DUSP18: variants seen among roughly 807,000 people sequenced by gnomAD.
DUSP18 encodes the protein dual specificity phosphatase 18, also known as dual specificity protein phosphatase 18.
In DUSP18, 4 loss-of-function variants were observed where a neutral mutation model predicts 6.3. The ratio of observed to expected loss-of-function variants is 0.63; its 90% CI spans 0.31 to 1.45. The LOEUF is 1.45. Ranked by LOEUF, DUSP18 falls within the 40% of genes most tolerant of loss-of-function variation. DUSP18 has a pLI of 0.07. For missense variants in DUSP18, 235 were observed against 247.7 expected (o/e 0.95, Z 0.34); for synonymous variants, 96 against 95.1 (o/e 1.01, Z -0.05).
chr22:30,660,245 G>C (rs1385905176), downstream of DUSP18, among the ~76,000 whole-genome samples: 2 of 152,160 alleles, frequency 1.3e-5, no homozygotes, highest in Non-Finnish European at 2.9e-5. Flanking sequence ...CTAAGTTTGT[G>C]GTAATTTGTT....
intron 1 of DUSP18, among the ~76,000 whole-genome samples, chr22:30,666,467 C>T (rs1210753206): frequency 6.6e-6 from 1 of 151,826 alleles, no homozygotes; most frequent in Non-Finnish European, 1.5e-5. Context: ...ACTAAAAATA[C>T]AAAAATTAGC....
chr22:30,655,187 G>A (rs2088310172), intron 2 of DUSP18, among the ~76,000 whole-genome samples: 1 of 151,954 alleles, frequency 6.6e-6, no homozygotes, highest in Non-Finnish European at 1.5e-5. Context: ...CAGGTATGGT[G>A]GCTCACACCT....
downstream of DUSP18, among the ~76,000 whole-genome samples, chr22:30,660,112 G>GT (rs1452312894): frequency 6.6e-6 from 1 of 152,182 alleles, no homozygotes; most frequent in Non-Finnish European, 1.5e-5. Context: ...AACACATTTG[G>GT]TTTTGGCCGT....
At chr22:30,661,414 C>T (rs1014276323), downstream of DUSP18, 1 of 151,384 alleles carries the variant, frequency 6.6e-6, no homozygotes, top group African/African-American at 2.4e-5. Flanking sequence ...TATTTCTGGT[C>T]CCAAGCATTT....
rs143675020 is a variant in DUSP18, at chr22:30,663,933, G to T, written c.71C>A (p.Thr24Asn). Residue 24 changes from threonine to asparagine, a missense_variant, in exon 2 of 2, where the codon ACC becomes AAC. Coordinates refer to ENST00000334679, the MANE Select transcript of DUSP18 (RefSeq NM_152511.5). The part of the protein sequence containing the change: ...QPSVSGLSQI[T>N]KSLYISNGVA... The stretch of plus-strand genomic sequence containing the variant: ...ACCATTGCTGATATACAGGCTTTTG[G>T]TTATCTGCGAGAGGCCGCTGACTGA... The T allele has an allele frequency of 6.2e-7, 1 of 1,614,204 alleles. No individual in the cohort carries two copies. Among genetic ancestry groups the T allele is most frequent in the Non-Finnish European group, 8.5e-7 (1 of 1,180,024 alleles).
intron 1 of DUSP18, among the ~76,000 whole-genome samples, chr22:30,664,582 T>C (rs1162832075): frequency 6.6e-6 from 1 of 152,240 alleles, no homozygotes; most frequent in African/African-American, 2.4e-5. Flanking sequence ...CATAAGGTCC[T>C]GAGCCAGTGG....
chr22:30,657,132 A>G (rs887565006), downstream of DUSP18, among the ~76,000 whole-genome samples: 1 of 152,098 alleles, frequency 6.6e-6, no homozygotes, highest in Non-Finnish European at 1.5e-5. Context: ...TCTACGAATA[A>G]GCATGTAAGA....
downstream of DUSP18, among the ~76,000 whole-genome samples, chr22:30,658,189 C>T (rs535758338): frequency 6.6e-6 from 1 of 151,686 alleles, no homozygotes; most frequent in African/African-American, 2.4e-5. Flanking sequence ...GTCTGTCTCT[C>T]CCACTGGCTG....
chr22:30,664,662 T>C (rs1338193605), intron 1 of DUSP18, among the ~76,000 whole-genome samples: 1 of 152,192 alleles, frequency 6.6e-6, no homozygotes, highest in East Asian at 1.9e-4. Flanking sequence ...GGGTTCCCAT[T>C]TTCCCCCTCT....
downstream of DUSP18, among the ~76,000 whole-genome samples, chr22:30,657,152 G>T (rs752176147): frequency 1.3e-5 from 2 of 151,738 alleles, no homozygotes; most frequent in African/African-American, 2.4e-5. Context: ...ATAAATTTCT[G>T]GGCTGGGTGC....
In DUSP18 at chr22:30,662,030, A is replaced by ATTTTTTT. The variant is rs33914926; in HGVS notation, c.*1400_*1406dup. ...GGTAGGGTCTGAAAGGACTTAAACC[A>ATTTTTTT]TTTTTTTTTTTTTTTTTTTTTACAC... On this transcript the variant is annotated 3_prime_UTR_variant, in exon 2 of 2. Transcript: ENST00000334679. 1 of 132,196 alleles carries ATTTTTTT rather than the reference A, an allele frequency of 7.6e-6. No individual in the cohort carries two copies. The highest frequency in any genetic ancestry group is 2.4e-4 in the South Asian group (1 of 4,156). 8.2% of individuals were successfully genotyped at this position (132,196 alleles called of 1,614,324 possible).
chr22:30,657,720 C>T (rs991711280), downstream of DUSP18, among the ~76,000 whole-genome samples: 4 of 151,084 alleles, frequency 2.6e-5, no homozygotes, highest in Admixed American at 6.6e-5. Context: ...CTGGCTAACA[C>T]GGTGAAACCC....
At chr22:30,654,313 T>TGGG (rs761411115) in intron 2 of DUSP18, 195 of 461,088 alleles carry the variant, frequency 4.2e-4, no homozygotes, top group Non-Finnish European at 7.0e-4. Flanking sequence ...ATTCTGGTAG[T>TGGG]GGATCTTGGC....
Position 30,661,872 on chromosome 22 carries a change from C to T in DUSP18, c.*1565G>A, listed in dbSNP as rs2088479756. The T allele has an allele frequency of 6.6e-6, 1 of 152,228 alleles. No homozygotes were observed. Among genetic ancestry groups the T allele is most frequent in the African/African-American group, 2.4e-5 (1 of 41,516 alleles). 9.4% of individuals were successfully genotyped at this position (152,228 alleles called of 1,614,324 possible). ...TGCAGGTTTTCATAGTGATTCTAAA[C>T]AAGGCTGCAGTCACTGTTTAGAAGT... On this transcript the variant is annotated 3_prime_UTR_variant, in exon 2 of 2. Coordinates refer to ENST00000334679, the MANE Select transcript of DUSP18 (RefSeq NM_152511.5).
In DUSP18 at chr22:30,663,927, C is replaced by T. The variant is rs1410290232; in HGVS notation, c.77G>A (p.Ser26Asn). Residue 26 changes from serine to asparagine, a missense_variant, in exon 2 of 2, where the codon AGC becomes AAC. Coordinates refer to ENST00000334679, the MANE Select transcript of DUSP18 (RefSeq NM_152511.5). ...GGCCACACCATTGCTGATATACAGG[C>T]TTTTGGTTATCTGCGAGAGGCCGCT... The part of the protein sequence containing the change: ...SVSGLSQITK[S>N]LYISNGVAAN... 1 of 1,614,170 alleles carries T rather than the reference C, an allele frequency of 6.2e-7. No individual in the cohort carries two copies.
At chr22:30,666,697 A>G (rs1000354461) in intron 1 of DUSP18, 1 of 150,946 alleles carries the variant, frequency 6.6e-6, no homozygotes, top group Admixed American at 6.6e-5. Flanking sequence ...GAAATGTACA[A>G]GACAGGCATG....
chr22:30,658,386 A>T (rs796829544), downstream of DUSP18, among the ~76,000 whole-genome samples: 3,142 of 147,612 alleles, frequency 0.021, 101 homozygotes, highest in African/African-American at 0.074. Context: ...AAAAAAAAAA[A>T]TTTTTTTTTT....
At chr22:30,658,146 G>A (rs887858577), downstream of DUSP18, among the ~76,000 whole-genome samples, 17 of 151,256 alleles carry the variant, frequency 1.1e-4, no homozygotes, top group Non-Finnish European at 1.3e-4. Flanking sequence ...TGAATCTCTC[G>A]GGGTTCTAGT....
At chr22:30,661,444 C>CTTTTTTT (rs56242112), downstream of DUSP18, 422 of 136,290 alleles carry the variant, frequency 3.1e-3, no homozygotes, top group Non-Finnish European at 4.7e-3. Flanking sequence ...TTTTCTTTTT[C>CTTTTTTT]TTTTTTTTTT....
Sources: gnomAD v4.1 joint callset for allele counts (sites outside exome capture counted in the v4.1 genomes callset) on GRCh38, gnomAD v4.1.1 for gene constraint, MANE v1.5 for transcripts, NCBI Gene and HGNC (gene_info 2026-07-23, HGNC 2026-07-21) for gene names.